Variants in SGCZ observed in about 807,000 individuals in gnomAD.
SGCZ encodes zeta-sarcoglycan.
A neutral mutation model predicts 41.3 loss-of-function variants in SGCZ; 40 were observed. The observed-to-expected ratio is 0.97, with a 90% CI of 0.75 to 1.26. SGCZ has a LOEUF of 1.26. Ranked by LOEUF, SGCZ falls within the 50% of genes most tolerant of loss-of-function variation. SGCZ has a pLI of 0.00. For missense variants in SGCZ, 552 were observed against 369.8 expected (o/e 1.49, Z -4.04); for synonymous variants, 206 against 137.5 (o/e 1.50, Z -3.49).
intron 3 of SGCZ, among the ~76,000 whole-genome samples, chr8:14,239,517 T>C (rs983934649): frequency 5.3e-5 from 8 of 152,126 alleles, no homozygotes; most frequent in Non-Finnish European, 1.0e-4. Flanking sequence ...ACACTATATG[T>C]TTTTATTTGA....
intron 1 of SGCZ, among the ~76,000 whole-genome samples, chr8:14,611,133 T>C (rs1313540040): frequency 6.6e-6 from 1 of 152,200 alleles, no homozygotes; most frequent in East Asian, 1.9e-4. Context: ...TATTTTCTTT[T>C]CTTTATGAAT....
chr8:15,232,621 T>TTA (rs1260641711), intron 1 of SGCZ, among the ~76,000 whole-genome samples: 1 of 149,976 alleles, frequency 6.7e-6, no homozygotes, highest in Admixed American at 6.7e-5. Flanking sequence ...AAATTCAAGA[T>TTA]TATATATATA....
intron 1 of SGCZ, among the ~76,000 whole-genome samples, chr8:14,754,667 T>C (rs1799602037): frequency 6.6e-6 from 1 of 152,154 alleles, no homozygotes; most frequent in Non-Finnish European, 1.5e-5. Flanking sequence ...ATTTAAGAAA[T>C]TTGCACTTAT....
At chr8:15,112,779 T>G (rs1258624431) in intron 1 of SGCZ, among the ~76,000 whole-genome samples, 1 of 152,198 alleles carries the variant, frequency 6.6e-6, no homozygotes, top group Non-Finnish European at 1.5e-5. Context: ...ACCTTGATAG[T>G]GAATCCTCCA....
intron 1 of SGCZ, among the ~76,000 whole-genome samples, chr8:15,196,880 G>T (rs1033912770): frequency 6.6e-6 from 1 of 152,208 alleles, no homozygotes; most frequent in East Asian, 1.9e-4. Flanking sequence ...GGAGGCCCAG[G>T]CCCCACGGTT....
At chr8:15,014,797 C>T (rs1802962871) in intron 1 of SGCZ, among the ~76,000 whole-genome samples, 1 of 152,214 alleles carries the variant, frequency 6.6e-6, no homozygotes. Flanking sequence ...GTGACAGCCT[C>T]ACAATTCTGT....
chr8:14,554,900 T>G lies in SGCZ; in HGVS notation c.66A>C (p.Ala22=). ...LKMTREQYIL[A]TQQNNLPRTE... is the part of the protein sequence containing the mutation. ...TCCTTGGCAGGTTATTCTGTTGGGT[T>G]GCTAGTATGTATTGTTCTCGTGTCA... is the stretch of plus-strand genomic sequence containing the variant. Residue 22 remains alanine (A), a synonymous_variant, in exon 2 of 8, where the codon GCA becomes GCC. Coordinates refer to ENST00000382080, the MANE Select transcript of SGCZ (RefSeq NM_139167.4). 7 of 1,612,686 alleles carry G rather than the reference T, an allele frequency of 4.3e-6. No individual in the cohort carries two copies. The highest frequency in any genetic ancestry group is 5.9e-6 in the Non-Finnish European group (7 of 1,179,270).
intron 1 of SGCZ, among the ~76,000 whole-genome samples, chr8:15,123,376 T>C (rs774040033): frequency 3.8e-4 from 58 of 152,238 alleles, no homozygotes; most frequent in Non-Finnish European, 3.1e-4. Context: ...CTTTCTTTCA[T>C]ATCTCTTGCA....
chr8:14,639,599 A>G (rs1242337505), intron 1 of SGCZ, among the ~76,000 whole-genome samples: 1 of 151,788 alleles, frequency 6.6e-6, no homozygotes, highest in Non-Finnish European at 1.5e-5. Flanking sequence ...CCTCCTGATC[A>G]TGTATCTATT....
chr8:15,070,049 T>C (rs1362928045), intron 1 of SGCZ, among the ~76,000 whole-genome samples: 3 of 152,174 alleles, frequency 2.0e-5, no homozygotes, highest in Non-Finnish European at 4.4e-5. Flanking sequence ...ATCAAAATTA[T>C]TAGCATTCAA....
intron 1 of SGCZ, among the ~76,000 whole-genome samples, chr8:14,760,388 C>T (rs566606341): frequency 2.0e-4 from 31 of 152,124 alleles, no homozygotes; most frequent in Non-Finnish European, 4.3e-4. Context: ...TAAATTGTTG[C>T]TAATCAATGA....
chr8:14,380,821 T>G (rs143923319), intron 2 of SGCZ, among the ~76,000 whole-genome samples: 1,794 of 152,104 alleles, frequency 0.012, 38 homozygotes, highest in African/African-American at 0.039. Flanking sequence ...ATCATGCCAC[T>G]GCACTCCAGC....
chr8:14,158,908 A>C (rs1803958731), intron 5 of SGCZ, among the ~76,000 whole-genome samples: 2 of 151,926 alleles, frequency 1.3e-5, no homozygotes, highest in African/African-American at 4.8e-5. Context: ...AGCTGGGACT[A>C]CAGGTGCCCA....
intron 2 of SGCZ, among the ~76,000 whole-genome samples, chr8:14,335,003 G>A (rs1022206240): frequency 1.3e-5 from 2 of 152,096 alleles, no homozygotes; most frequent in Non-Finnish European, 2.9e-5. Flanking sequence ...AGCTGGGACT[G>A]AGGAACTATT....
chr8:15,223,219 A>C (rs1205218453), intron 1 of SGCZ, among the ~76,000 whole-genome samples: 1 of 152,276 alleles, frequency 6.6e-6, no homozygotes, highest in South Asian at 2.1e-4. Context: ...TACGGAAAAT[A>C]AAAAGAAATT....
intron 2 of SGCZ, among the ~76,000 whole-genome samples, chr8:14,445,559 C>G (rs1800407030): frequency 6.6e-6 from 1 of 152,100 alleles, no homozygotes; most frequent in Non-Finnish European, 1.5e-5. Flanking sequence ...TCCAGCTGCC[C>G]TCTCCACTGA....
At chr8:15,187,765 G>A (rs752983053) in intron 1 of SGCZ, among the ~76,000 whole-genome samples, 5 of 151,800 alleles carry the variant, frequency 3.3e-5, no homozygotes, top group Non-Finnish European at 5.9e-5. Context: ...TAAGCTCTTC[G>A]TGAGTTTGAT....
chr8:14,962,862 G>C (rs1801006537), intron 1 of SGCZ, among the ~76,000 whole-genome samples: 1 of 152,146 alleles, frequency 6.6e-6, no homozygotes, highest in South Asian at 2.1e-4. Flanking sequence ...TATATTGTGA[G>C]AACAGTTTGT....
At chr8:14,954,433 T>G (rs2130841514) in intron 1 of SGCZ, among the ~76,000 whole-genome samples, 1 of 152,204 alleles carries the variant, frequency 6.6e-6, no homozygotes, top group South Asian at 2.1e-4. Flanking sequence ...TTCCTGGAGG[T>G]TTATTTTCCT....
Sources: allele counts gnomAD v4.1 joint callset (sites outside exome capture counted in the v4.1 genomes callset), GRCh38; gene constraint gnomAD v4.1.1; transcripts MANE v1.5; gene names NCBI Gene and HGNC (gene_info 2026-07-23, HGNC 2026-07-21).